HDAC9: variants seen among roughly 807,000 people sequenced by gnomAD.
HDAC9 encodes MEF-2 interacting transcription repressor (MITR) protein.
A neutral mutation model predicts 139.4 loss-of-function variants in HDAC9; 41 were observed. The ratio of observed to expected loss-of-function variants is 0.29; its 90% CI spans 0.23 to 0.38. HDAC9 has a LOEUF of 0.38. Ranked by LOEUF, HDAC9 falls within the 10% of genes least tolerant of loss-of-function variation. HDAC9 has a pLI of 1.00. For synonymous variants in HDAC9, 517 were observed against 476.2 expected (o/e 1.09, Z -1.12); for missense variants, 1,147 against 1,297.0 (o/e 0.88, Z 1.78).
chr7:18,825,516 T>A (rs1795355282), intron 17 of HDAC9, among the ~76,000 whole-genome samples: 1 of 151,902 alleles, frequency 6.6e-6, no homozygotes, highest in South Asian at 2.1e-4. Context: ...ATTGGTGACT[T>A]TTGTAAGAGC....
intron 17 of HDAC9, among the ~76,000 whole-genome samples, chr7:18,820,811 A>G (rs1427902962): frequency 6.6e-6 from 1 of 152,256 alleles, no homozygotes; most frequent in Non-Finnish European, 1.5e-5. Flanking sequence ...CAAATGTATT[A>G]AATAATCACA....
At position 18,727,596 on chromosome 7, in the gene HDAC9, C is replaced by T. The variant is rs114662881; in HGVS notation, c.1748C>T (p.Thr583Met). 1 of 1,597,500 alleles carries T rather than the reference C, an allele frequency of 6.3e-7. No individual in the cohort carries two copies. The highest frequency in any genetic ancestry group is 8.5e-7 in the Non-Finnish European group (1 of 1,172,976). Residue 583 changes from threonine (T) to methionine (M), a missense_variant, in exon 13 of 26, where the codon ACG (threonine) becomes ATG (methionine). Around this residue, in one of 7 missense-constraint regions of HDAC9, gnomAD observed 256 missense variants for 219.2 expected, o/e 1.17. Coordinates refer to ENST00000686413, the MANE Select transcript of HDAC9 (RefSeq NM_178425.4). The part of the protein sequence containing the change: ...AFMQQPFLEP[T>M]HTRALSVRQA... ...TGGCAACAGCCTTTCCTGGAACCCA[C>T]GCACACACGTGCGCTCTCTGTGCGC...
intron 1 of HDAC9, among the ~76,000 whole-genome samples, chr7:18,464,069 T>G (rs1794071203): frequency 6.6e-6 from 1 of 151,390 alleles, no homozygotes; most frequent in Non-Finnish European, 1.5e-5. Flanking sequence ...AGCATGTCTG[T>G]TTGTCTATTT....
At chr7:18,462,189 A>G (rs1793909592) in intron 1 of HDAC9, among the ~76,000 whole-genome samples, 1 of 152,068 alleles carries the variant, frequency 6.6e-6, no homozygotes, top group Admixed American at 6.6e-5. Context: ...GTTATAAGCA[A>G]TTCCATCTTC....
At chr7:18,879,270 A>G (rs770112218) in intron 22 of HDAC9, among the ~76,000 whole-genome samples, 1 of 152,202 alleles carries the variant, frequency 6.6e-6, no homozygotes, top group Non-Finnish European at 1.5e-5. Flanking sequence ...ATTTCTATCA[A>G]ACTACCAATG....
intron 1 of HDAC9, among the ~76,000 whole-genome samples, chr7:18,093,533 A>C (rs1421060826): frequency 1.3e-5 from 2 of 152,216 alleles, no homozygotes; most frequent in African/African-American, 4.8e-5. Context: ...TACATATTAT[A>C]GGTCTCTCTT....
intron 2 of HDAC9, among the ~76,000 whole-genome samples, chr7:18,172,920 A>G (rs990916359): frequency 3.3e-5 from 5 of 152,176 alleles, no homozygotes; most frequent in African/African-American, 9.7e-5. Context: ...AGAAGAATGT[A>G]TATTCTGTTG....
At chr7:18,604,575 A>G (rs939428006) in intron 6 of HDAC9, among the ~76,000 whole-genome samples, 54 of 150,064 alleles carry the variant, frequency 3.6e-4, no homozygotes, top group African/African-American at 1.1e-3. Flanking sequence ...TTTTTTTTTT[A>G]ATTTTTAGTA....
Position 18,325,223 on chromosome 7 carries a change from T to C in HDAC9, c.-42+34708T>C, listed in dbSNP as rs1800344530. Among the ~76,000 whole-genome samples, 4 of 152,182 alleles carry C rather than the reference T, an allele frequency of 2.6e-5. No individual in the cohort carries two copies. The South Asian group carries it at 8.3e-4, about 31-fold the overall frequency. On this transcript the variant is annotated intron_variant, in intron 1 of 3. Transcript: ENST00000413509. Reference sequence around the variant, plus strand: ...TAAGATAAGCATGTGAATATAAATATTAGTTTCCTTAATTTTTGATGCTCA... The same window carrying C: ...TAAGATAAGCATGTGAATATAAATACTAGTTTCCTTAATTTTTGATGCTCA...
chr7:18,178,869 A>G (rs1562713830), intron 2 of HDAC9, among the ~76,000 whole-genome samples: 1 of 152,192 alleles, frequency 6.6e-6, no homozygotes, highest in East Asian at 1.9e-4. Context: ...ATCTGTATAC[A>G]TTTTCAGTTC....
intron 23 of HDAC9, among the ~76,000 whole-genome samples, chr7:18,943,289 G>A (rs1782147632): frequency 6.6e-6 from 1 of 152,000 alleles, no homozygotes; most frequent in Non-Finnish European, 1.5e-5. Context: ...CTACTGTGTG[G>A]TTCTAACTGT....
intron 3 of HDAC9, among the ~76,000 whole-genome samples, chr7:18,587,529 G>A (rs940733372): frequency 9.9e-5 from 15 of 152,144 alleles, no homozygotes; most frequent in African/African-American, 3.1e-4. Context: ...TTATGAGAAA[G>A]ATGCATTACA....
intron 2 of HDAC9, among the ~76,000 whole-genome samples, chr7:18,231,514 A>G (rs1206462635): frequency 6.7e-6 from 1 of 150,308 alleles, no homozygotes; most frequent in Non-Finnish European, 1.5e-5. Context: ...TTAAAGTGAG[A>G]AAATGCCTTT....
At chr7:18,598,303 A>G (rs145915318) in intron 6 of HDAC9, among the ~76,000 whole-genome samples, 2 of 152,246 alleles carry the variant, frequency 1.3e-5, no homozygotes, top group East Asian at 3.9e-4. Context: ...GCATTTTTAT[A>G]TAGCTTAGTA....
intron 1 of HDAC9, among the ~76,000 whole-genome samples, chr7:18,435,944 T>TA (rs1791159870): frequency 6.9e-6 from 1 of 145,234 alleles, no homozygotes; most frequent in Non-Finnish European, 1.5e-5. Context: ...AACTGGAAAA[T>TA]TTATATATAT....
intron 22 of HDAC9, among the ~76,000 whole-genome samples, chr7:18,924,047 T>C (rs1803993505): frequency 6.6e-6 from 1 of 151,940 alleles, no homozygotes; most frequent in Non-Finnish European, 1.5e-5. Flanking sequence ...ATCATGGCAT[T>C]TGTAAAAATG....
chr7:18,259,815 G>A lies in HDAC9; in HGVS notation c.25+97466G>A, dbSNP rs565948343. Among the ~76,000 whole-genome samples the A allele has an allele frequency of 1.1e-4, 16 of 152,300 alleles. No homozygotes were observed. In the East Asian group the frequency reaches 3.1e-3, roughly 29 times the overall value. On this transcript the variant is annotated intron_variant, in intron 2 of 12. Coordinates refer to the HDAC9 transcript ENST00000417496. Reference sequence around the variant, plus strand: ...CCCACTTTTATTGGGTAATAAAAGAGTAGAATGAAAGGAATATATTTAGAA... The same window carrying A: ...CCCACTTTTATTGGGTAATAAAAGAATAGAATGAAAGGAATATATTTAGAA...
chr7:18,180,974 C>G (rs1789376778), intron 2 of HDAC9, among the ~76,000 whole-genome samples: 2 of 152,128 alleles, frequency 1.3e-5, no homozygotes, highest in South Asian at 4.1e-4. Flanking sequence ...GTCACATTGC[C>G]TTCTTTTGCG....
intron 25 of HDAC9, among the ~76,000 whole-genome samples, chr7:18,981,145 G>T (rs984698435): frequency 1.3e-5 from 2 of 151,786 alleles, no homozygotes; most frequent in Non-Finnish European, 2.9e-5. Context: ...TTAATATATT[G>T]GCCATCATTC....
Sources: allele counts gnomAD v4.1 joint callset (sites outside exome capture counted in the v4.1 genomes callset), GRCh38; gene constraint gnomAD v4.1.1; regional missense constraint gnomAD v4.1.1; transcripts MANE v1.5; gene names NCBI Gene and HGNC (gene_info 2026-07-23, HGNC 2026-07-21).